Variants in FOXN3 observed in about 807,000 individuals in gnomAD.
FOXN3 encodes forkhead box protein N3.
In FOXN3, 7 loss-of-function variants were observed where a neutral mutation model predicts 38.4. That is an observed-to-expected ratio of 0.18 (90% CI 0.10 to 0.34). FOXN3 has a LOEUF of 0.34. FOXN3 is among the 10% of genes least tolerant of loss of function. The probability of loss-of-function intolerance (pLI) is 1.00; values close to 1 mark genes in which losing one functional copy is unlikely to be tolerated. For synonymous variants in FOXN3, 230 were observed against 242.2 expected (o/e 0.95, Z 0.47); for missense variants, 456 against 613.4 (o/e 0.74, Z 2.71).
upstream of FOXN3, chr14:89,417,562 C>G (rs1233166915): frequency 3.8e-5 from 12 of 312,736 alleles, no homozygotes; most frequent in African/African-American, 2.7e-4. Context: ...GTCCCCTCCC[C>G]GGGCTCCGGC....
chr14:89,571,930 T>G (rs1188619668), intron 1 of FOXN3, among the ~76,000 whole-genome samples: 2 of 152,244 alleles, frequency 1.3e-5, no homozygotes. Flanking sequence ...TCAACAACCT[T>G]AGGAGTCTTA....
At chr14:89,414,899 C>G (rs1186997378) in intron 1 of FOXN3, among the ~76,000 whole-genome samples, 2 of 152,162 alleles carry the variant, frequency 1.3e-5, no homozygotes, top group Non-Finnish European at 2.9e-5. Context: ...CATTGCAGTA[C>G]AGACCAGGCA....
intron 1 of FOXN3, among the ~76,000 whole-genome samples, chr14:89,482,259 G>A (rs1258293592): frequency 1.3e-5 from 2 of 152,214 alleles, no homozygotes; most frequent in Non-Finnish European, 2.9e-5. Flanking sequence ...CCGGCCTCCT[G>A]CCAGAGAGAC....
chr14:89,450,709 C>T (rs1017505610), intron 1 of FOXN3, among the ~76,000 whole-genome samples: 20 of 152,194 alleles, frequency 1.3e-4, no homozygotes, highest in African/African-American at 4.8e-4. Flanking sequence ...CCTCAGCCTC[C>T]CGGGTAGCTG....
At chr14:89,359,569 A>G (rs1330916791) in intron 2 of FOXN3, among the ~76,000 whole-genome samples, 3 of 152,246 alleles carry the variant, frequency 2.0e-5, no homozygotes, top group Non-Finnish European at 4.4e-5. Context: ...GGATCGAAAT[A>G]GAACAAAGCA....
intron 1 of FOXN3, among the ~76,000 whole-genome samples, chr14:89,593,948 C>T (rs952793138): frequency 5.3e-5 from 8 of 152,154 alleles, no homozygotes; most frequent in East Asian, 3.9e-4. Context: ...TTTATATAAA[C>T]GGAATTCAGA....
intron 2 of FOXN3, among the ~76,000 whole-genome samples, chr14:89,357,345 G>A (rs972310149): frequency 3.9e-5 from 6 of 152,096 alleles, no homozygotes; most frequent in Admixed American, 6.6e-5. Flanking sequence ...GGTGGCTCAC[G>A]CCTGTAATCC....
intron 3 of FOXN3, among the ~76,000 whole-genome samples, chr14:89,345,007 C>T (rs1489942530): frequency 1.3e-5 from 2 of 152,058 alleles, no homozygotes; most frequent in East Asian, 3.9e-4. Flanking sequence ...TCCGAAGGCC[C>T]CACGCCAGAG....
chr14:89,502,369 A>G (rs1893821215), intron 1 of FOXN3, among the ~76,000 whole-genome samples: 1 of 152,228 alleles, frequency 6.6e-6, no homozygotes. Context: ...TTTATTTTAA[A>G]AAAAATATTT....
At chr14:89,603,968 T>C (rs890400804) in intron 1 of FOXN3, among the ~76,000 whole-genome samples, 4 of 152,012 alleles carry the variant, frequency 2.6e-5, no homozygotes, top group African/African-American at 9.7e-5. Flanking sequence ...AAGGGAAAAG[T>C]CTTTACTAAA....
At chr14:89,363,252 G>T (rs1889949869) in intron 2 of FOXN3, among the ~76,000 whole-genome samples, 2 of 152,134 alleles carry the variant, frequency 1.3e-5, no homozygotes, top group Non-Finnish European at 2.9e-5. Flanking sequence ...CTTAGAGGCT[G>T]GGTTCTTGTC....
chr14:89,565,702 C>G (rs537270422), intron 1 of FOXN3, among the ~76,000 whole-genome samples: 1 of 152,122 alleles, frequency 6.6e-6, no homozygotes, highest in South Asian at 2.1e-4. Context: ...ACTCCAGAAC[C>G]CTATGCCCAC....
Position 89,199,805 on chromosome 14 carries a change from G to A in FOXN3, c.746-18999C>T, listed in dbSNP as rs1377640280. ...TGTAGTCCCAGCTACTTGGGAGGCT[G>A]AGGCAGGAGAATCACTGGAATCCAG... On this transcript the variant is annotated intron_variant, in intron 4 of 5. Coordinates refer to ENST00000557258, the MANE Select transcript of FOXN3 (RefSeq NM_005197.4). Among the ~76,000 whole-genome samples, 4 of 152,148 alleles carry A rather than the reference G, an allele frequency of 2.6e-5. No homozygotes were observed. The East Asian group carries it at 7.7e-4, about 29-fold the overall frequency.
intron 1 of FOXN3, among the ~76,000 whole-genome samples, chr14:89,568,587 C>T (rs1895415959): frequency 6.6e-6 from 1 of 152,194 alleles, no homozygotes; most frequent in Non-Finnish European, 1.5e-5. Flanking sequence ...TCAGGGCTGG[C>T]CCCTAACATT....
intron 1 of FOXN3, among the ~76,000 whole-genome samples, chr14:89,600,558 ATTAAT>A (rs2139938477): frequency 6.6e-6 from 1 of 152,360 alleles, no homozygotes; most frequent in South Asian, 2.1e-4. Context: ...ACAAAAATAA[ATTAAT>A]TTAAAAGTCA....
At chr14:89,502,505 C>A (rs1039652241) in intron 1 of FOXN3, among the ~76,000 whole-genome samples, 1 of 152,214 alleles carries the variant, frequency 6.6e-6, no homozygotes, top group Admixed American at 6.5e-5. Context: ...AACTACCCAG[C>A]TGCAGCTGAC....
Position 89,464,952 on chromosome 14 carries a change from A to T in FOXN3, c.-14-52462T>A, listed in dbSNP as rs116422222. ...ACCTCGTGATACGCCCACCTTGGCC[A>T]CCCAAAGTGCTGGGTCTGCAGGCGT... On this transcript the variant is annotated intron_variant, in intron 1 of 6. Transcript: ENST00000345097. Among the ~76,000 whole-genome samples, 899 of 152,118 alleles carry T rather than the reference A, an allele frequency of 5.9e-3. 10 individuals are homozygous for T. The highest frequency in any genetic ancestry group is 0.02 in the African/African-American group (818 of 41,510).
At chr14:89,237,963 A>G (rs1463669822) in intron 4 of FOXN3, among the ~76,000 whole-genome samples, 1 of 152,230 alleles carries the variant, frequency 6.6e-6, no homozygotes, top group Non-Finnish European at 1.5e-5. Flanking sequence ...GGCACCAAAA[A>G]AAGTTGTTGG....
Position 89,158,612 on chromosome 14 carries a change from GTATAT to G in FOXN3, c.*3797_*3801del, listed in dbSNP as rs756159038. 1 of 152,638 alleles carries G rather than the reference GTATAT, an allele frequency of 6.6e-6. No individual in the cohort carries two copies. The highest frequency in any genetic ancestry group is 2.1e-4 in the South Asian group (1 of 4,818). The allele number at this position is 152,638 out of a possible 1,614,324, so 9.5% of individuals were successfully genotyped here. A position where few individuals can be genotyped will look rare whatever the true frequency, so the allele number is the denominator to read the frequency against. ...AGGGGCAGGGAAGTAGGAGCTTATG[GTATAT>G]TATAAGGCTGGGAAAAATCTATGAT... On this transcript the variant is annotated 3_prime_UTR_variant, in exon 6 of 6. Coordinates refer to ENST00000557258, the MANE Select transcript of FOXN3 (RefSeq NM_005197.4).
Sources: allele counts gnomAD v4.1 joint callset (sites outside exome capture counted in the v4.1 genomes callset), GRCh38; gene constraint gnomAD v4.1.1; transcripts MANE v1.5; gene names NCBI Gene and HGNC (gene_info 2026-07-23, HGNC 2026-07-21).